The following EXOC1 variants were observed in gnomAD, a reference collection of about 807,000 sequenced individuals.
The protein encoded by EXOC1 is exocyst complex component 1.
A neutral mutation model predicts 107.7 loss-of-function variants in EXOC1; 67 were observed. That is an observed-to-expected ratio of 0.62 (90% CI 0.51 to 0.76). The LOEUF (loss-of-function observed/expected upper bound fraction) is 0.76, where lower values mean the gene tolerates loss of function less well. Ranked by LOEUF, EXOC1 falls within the 30% of genes least tolerant of loss-of-function variation. The probability of loss-of-function intolerance (pLI) is 0.00; values close to 1 mark genes in which losing one functional copy is unlikely to be tolerated. For synonymous variants in EXOC1, 348 were observed against 353.5 expected (o/e 0.98, Z 0.17); for missense variants, 833 against 1,055.7 (o/e 0.79, Z 2.92).
At chr4:55,868,262 C>A in intron 4 of EXOC1, 74 bp from the exon 5 acceptor site, 2 of 1,262,066 alleles carry the variant, frequency 1.6e-6, no homozygotes, top group Non-Finnish European at 1.1e-6. Context: ...TATAACTATA[C>A]CTACCTATAT....
Position 55,904,448 on chromosome 4 carries a change from A to C in EXOC1, c.2638A>C (p.Ile880Leu). The change falls in exon 19 of 19, where the codon ATT (isoleucine) becomes CTT (leucine). Residue 880 changes from isoleucine to leucine, a missense_variant. Ile to Leu is a conservative substitution (Grantham distance 5). Transcript: ENST00000381295. Reference protein sequence around the residue: ...PGSGVTMEFTIQDILDYCSSI... With the variant: ...PGSGVTMEFTLQDILDYCSSI... ...ATCTGGTGTTACAATGGAATTCACT[A>C]TTCAGGACATTCTGGATTATTGTTC... 6.2e-7 allele frequency: 1 copy of C among 1,612,992 alleles called. No homozygotes were observed. The highest frequency in any genetic ancestry group is 8.5e-7 in the Non-Finnish European group (1 of 1,179,616).
intron 15 of EXOC1, among the ~76,000 whole-genome samples, chr4:55,895,498 C>T (rs566137878): frequency 1.3e-5 from 2 of 152,272 alleles, no homozygotes; most frequent in South Asian, 2.1e-4. Context: ...TATGAAATAA[C>T]TGACTATACT....
In EXOC1 at chr4:55,870,826, A is replaced by C; in HGVS notation, c.752A>C (p.Gln251Pro). ...MLQSVKEQMD[Q>P]ISESNHLIHL... ...CAAAGTGTAAAAGAACAAATGGATCAGATCTCTGAAAGCAACCACCTAATT... is the reference window on the plus strand; with the variant it reads ...CAAAGTGTAAAAGAACAAATGGATCCGATCTCTGAAAGCAACCACCTAATT... The change falls in exon 6 of 19, where the codon CAG (glutamine) becomes CCG (proline). Residue 251 changes from glutamine to proline, a missense_variant. Physicochemically the swap from Gln to Pro is moderately conservative, Grantham distance 76. This residue lies in a region of EXOC1 where 617 missense variants were observed against 701.3 expected (regional missense o/e 0.88). Coordinates refer to ENST00000381295, the MANE Select transcript of EXOC1 (RefSeq NM_001024924.2). The C allele has an allele frequency of 6.2e-7, 1 of 1,613,964 alleles. No homozygotes were observed. The highest frequency in any genetic ancestry group is 8.5e-7 in the Non-Finnish European group (1 of 1,179,932).
At chr4:55,888,397 AT>A (rs1037628748) in intron 10 of EXOC1, among the ~76,000 whole-genome samples, 15 of 152,074 alleles carry the variant, frequency 9.9e-5, no homozygotes, top group African/African-American at 3.6e-4. Flanking sequence ...CACTCATATA[AT>A]TTTTTGTTGG....
Position 55,896,757 on chromosome 4 carries a change from A to G in EXOC1, c.1994A>G (p.Lys665Arg), listed in dbSNP as rs1725253545. 6.2e-7 allele frequency: 1 copy of G among 1,610,576 alleles called. No homozygotes were observed. Among genetic ancestry groups the G allele is most frequent in the Non-Finnish European group, 8.5e-7 (1 of 1,179,146 alleles). The change falls in exon 16 of 19, where the codon AAA becomes AGA. Residue 665 changes from lysine (K) to arginine (R), a missense_variant. This residue lies in a region of EXOC1 where 216 missense variants were observed against 354.4 expected (regional missense o/e 0.61). Transcript: ENST00000381295. Reference protein sequence around the residue: ...IRQMEEVKISKKSKVGILPFV... With the variant: ...IRQMEEVKISRKSKVGILPFV... ...CAAATGGAAGAAGTAAAGATCTCAA[A>G]AAAGAGTAAAGTTGGAATTCTTCCA...
intron 1 of EXOC1, among the ~76,000 whole-genome samples, chr4:55,856,675 T>G (rs1720998504): frequency 6.6e-6 from 1 of 152,166 alleles, no homozygotes. Flanking sequence ...ACATTTGCAT[T>G]GAAAAATTGT....
intron 8 of EXOC1, chr4:55,877,619 A>G: frequency 1.0e-6 from 1 of 985,406 alleles, no homozygotes. Context: ...TGAGAGAGAC[A>G]AGCTTCATTA....
At chr4:55,893,503 C>T in intron 14 of EXOC1, 49 bp from the exon 15 acceptor site, 1 of 1,519,098 alleles carries the variant, frequency 6.6e-7, no homozygotes, top group East Asian at 2.3e-5. Context: ...ACGGTGAATT[C>T]ACCTGAAGCT....
intron 4 of EXOC1, among the ~76,000 whole-genome samples, chr4:55,865,156 C>T (rs1721840701): frequency 6.6e-6 from 1 of 152,002 alleles, no homozygotes; most frequent in African/African-American, 2.4e-5. Flanking sequence ...ATTATGTTAC[C>T]AGTATAAAAT....
chr4:55,856,634 C>G (rs1720992810), intron 1 of EXOC1, among the ~76,000 whole-genome samples: 1 of 152,104 alleles, frequency 6.6e-6, no homozygotes, highest in Non-Finnish European at 1.5e-5. Context: ...AAGTTAGTGT[C>G]CTAGGCAAGC....
At chr4:55,868,247 G>T (rs919768314) in intron 4 of EXOC1, 89 bp from the exon 5 acceptor site, 95 of 1,060,416 alleles carry the variant, frequency 9.0e-5, no homozygotes, top group Non-Finnish European at 1.1e-4. Flanking sequence ...AATGTGACCT[G>T]TGCTTATAAC....
chr4:55,902,312 C>T (rs1274419121), intron 17 of EXOC1, 32 bp from the exon 18 acceptor site: 1 of 1,394,824 alleles, frequency 7.2e-7, no homozygotes, highest in Non-Finnish European at 9.4e-7. Context: ...AAATGCAGGT[C>T]TTAGCCATTG....
At chr4:55,874,293 A>G (rs888635046) in intron 8 of EXOC1, among the ~76,000 whole-genome samples, 3 of 152,186 alleles carry the variant, frequency 2.0e-5, no homozygotes, top group Non-Finnish European at 4.4e-5. Flanking sequence ...AAATTCACAA[A>G]TTAGTAAAAT....
intron 16 of EXOC1, 125 bp downstream of exon 16, chr4:55,897,025 AT>A (rs1415838627): frequency 1.3e-6 from 1 of 742,876 alleles, no homozygotes; most frequent in Non-Finnish European, 2.0e-6. Context: ...GTTTTCTAAC[AT>A]TAAAGATTTC....
intron 4 of EXOC1, among the ~76,000 whole-genome samples, chr4:55,866,137 C>A (rs1280540419): frequency 1.3e-5 from 2 of 152,008 alleles, no homozygotes; most frequent in East Asian, 3.9e-4. Context: ...ATTATTACCA[C>A]CCCAGTTTAA....
chr4:55,872,952 T>A, intron 8 of EXOC1: 1 of 193,074 alleles, frequency 5.2e-6, no homozygotes, highest in Non-Finnish European at 9.5e-6. Context: ...TAGCAGTTTT[T>A]AAATGTCCCA....
intron 3 of EXOC1, among the ~76,000 whole-genome samples, chr4:55,863,037 A>C (rs1250468863): frequency 6.6e-6 from 1 of 151,936 alleles, no homozygotes; most frequent in Non-Finnish European, 1.5e-5. Context: ...AGTAGCTGGG[A>C]CTACACGTAC....
intron 15 of EXOC1, among the ~76,000 whole-genome samples, chr4:55,894,449 A>G (rs1004714531): frequency 5.3e-4 from 80 of 152,086 alleles, no homozygotes; most frequent in African/African-American, 1.8e-3. Flanking sequence ...CTTTTAATAC[A>G]TTCTAGTAAG....
chr4:55,874,759 T>C (rs1394025810), intron 8 of EXOC1, among the ~76,000 whole-genome samples: 1 of 152,174 alleles, frequency 6.6e-6, no homozygotes, highest in African/African-American at 2.4e-5. Flanking sequence ...TTATAGGCTC[T>C]TGCCCATAAT....
Sources: allele counts gnomAD v4.1 joint callset (sites outside exome capture counted in the v4.1 genomes callset), GRCh38; gene constraint gnomAD v4.1.1; regional missense constraint gnomAD v4.1.1; transcripts MANE v1.5; gene names NCBI Gene and HGNC (gene_info 2026-07-23, HGNC 2026-07-21).